The following RARB variants were observed in gnomAD, a reference collection of about 807,000 sequenced individuals.
RARB encodes the protein HBV-activated protein.
RARB carries 17 observed loss-of-function variants against 51.9 expected under a neutral mutation model. That is an observed-to-expected ratio of 0.33 (90% CI 0.22 to 0.49). The LOEUF is 0.49. Among genes scored for constraint, RARB ranks in the 20% least tolerant of loss-of-function variants. The pLI is 0.99. For synonymous variants in RARB, 215 were observed against 195.4 expected, an observed-to-expected ratio of 1.10 and a Z score of -0.84; for missense variants, 369 against 550.8, an observed-to-expected ratio of 0.67 and a Z score of 3.30.
intron 2 of RARB, among the ~76,000 whole-genome samples, chr3:24,965,067 T>G (rs531043028): frequency 6.6e-6 from 1 of 152,160 alleles, no homozygotes; most frequent in Non-Finnish European, 1.5e-5. Flanking sequence ...CAATAGCCCA[T>G]GTAATCGATT....
chr3:24,876,746 T>C (rs1197273510), intron 2 of RARB, among the ~76,000 whole-genome samples: 4 of 152,134 alleles, frequency 2.6e-5, no homozygotes, highest in African/African-American at 2.4e-5. Flanking sequence ...AACAACCAAC[T>C]TGCCATGTGA....
intron 5 of RARB, among the ~76,000 whole-genome samples, chr3:25,221,494 C>T (rs971553087): frequency 6.6e-6 from 1 of 152,080 alleles, no homozygotes; most frequent in Non-Finnish European, 1.5e-5. Context: ...AATAAATAAT[C>T]CTCCTTTGTC....
At chr3:25,484,852 C>A (rs1191724660) in intron 2 of RARB, among the ~76,000 whole-genome samples, 1 of 151,972 alleles carries the variant, frequency 6.6e-6, no homozygotes, top group Non-Finnish European at 1.5e-5. Context: ...TTTTAACCTC[C>A]ATTGTCATAT....
At chr3:25,003,402 A>C (rs546587798) in intron 2 of RARB, among the ~76,000 whole-genome samples, 3 of 152,242 alleles carry the variant, frequency 2.0e-5, no homozygotes, top group Non-Finnish European at 2.9e-5. Flanking sequence ...CTATTTTATT[A>C]TTAAATAAAA....
intron 5 of RARB, among the ~76,000 whole-genome samples, chr3:25,215,130 TG>T (rs1701797942): frequency 6.6e-6 from 1 of 152,188 alleles, no homozygotes; most frequent in East Asian, 1.9e-4. Flanking sequence ...CGGACTCACC[TG>T]GGGCCCAAGT....
intron 2 of RARB, among the ~76,000 whole-genome samples, chr3:24,974,689 C>T (rs896335081): frequency 7.2e-5 from 11 of 151,900 alleles, no homozygotes; most frequent in African/African-American, 2.7e-4. Flanking sequence ...ATATAGTATC[C>T]CTAAGCCTTA....
chr3:24,986,834 T>G (rs867743908), intron 2 of RARB, among the ~76,000 whole-genome samples: 2 of 152,138 alleles, frequency 1.3e-5, no homozygotes, highest in Non-Finnish European at 1.5e-5. Flanking sequence ...GGTGAACTCC[T>G]ACCCCTTTGC....
intron 1 of RARB, among the ~76,000 whole-genome samples, chr3:25,445,599 A>C (rs1708895156): frequency 1.3e-5 from 2 of 152,084 alleles, no homozygotes; most frequent in Admixed American, 1.3e-4. Flanking sequence ...CCCAGGAGGC[A>C]GGGGTTGCAG....
chr3:25,212,435 C>G (rs1362071141), intron 5 of RARB, among the ~76,000 whole-genome samples: 1 of 152,100 alleles, frequency 6.6e-6, no homozygotes, highest in Non-Finnish European at 1.5e-5. Context: ...CTGGCCAACA[C>G]AGTGAAACTC....
At chr3:25,390,570 C>T (rs192489393) in intron 5 of RARB, among the ~76,000 whole-genome samples, 184 of 149,876 alleles carry the variant, frequency 1.2e-3, no homozygotes, top group African/African-American at 4.3e-3. Context: ...TTAGAAGACC[C>T]GTTCATTTTT....
At chr3:25,137,650 T>G (rs1324738381) in intron 4 of RARB, among the ~76,000 whole-genome samples, 7 of 152,136 alleles carry the variant, frequency 4.6e-5, no homozygotes, top group Non-Finnish European at 1.5e-5. Context: ...TAGTGGAAAT[T>G]AATATCTTAG....
At chr3:25,138,111 G>A (rs1480746840) in intron 4 of RARB, among the ~76,000 whole-genome samples, 1 of 152,092 alleles carries the variant, frequency 6.6e-6, no homozygotes, top group African/African-American at 2.4e-5. Context: ...GGGTTACTGA[G>A]AATTTCGGTC....
Position 25,428,393 on chromosome 3 carries a change from G to T in RARB, c.-339G>T. On this transcript the variant is annotated 5_prime_UTR_variant, in exon 1 of 8. Transcript: ENST00000330688. The stretch of plus-strand genomic sequence containing the variant: ...CCGAGAACGCGAGCGATCCGAGCAG[G>T]GTTTGTCTGGGCACCGTCGGGGTAG... 7.9e-7 allele frequency: 1 copy of T among 1,262,020 alleles called. No individual in the cohort carries two copies. The allele number at this position is 1,262,020 out of a possible 1,614,324, so 78.2% of individuals were successfully genotyped here.
At chr3:25,569,677 C>T in intron 3 of RARB, 81 bp from the exon 4 acceptor site, 2 of 1,464,274 alleles carry the variant, frequency 1.4e-6, no homozygotes, top group Non-Finnish European at 1.8e-6. Flanking sequence ...TTAAGGCAGC[C>T]TTGGGAGGTG....
chr3:25,368,061 C>A (rs1404909188), intron 5 of RARB, among the ~76,000 whole-genome samples: 1 of 152,142 alleles, frequency 6.6e-6, no homozygotes, highest in African/African-American at 2.4e-5. Flanking sequence ...AAAAGACTTT[C>A]CTTTATTCTA....
rs984862191 is a variant in RARB at position 25,524,621 on chromosome 3, C to T, written c.448+23298C>T. Among the ~76,000 whole-genome samples the T allele has an allele frequency of 2.0e-5, 3 of 149,496 alleles. No individual in the cohort carries two copies. In the South Asian group the frequency reaches 6.5e-4, roughly 32 times the overall value. ...CCTTCTCTTCCCCCCTCCCTTCCTC[C>T]CTCCCTGCCTCCCTCCTTCCTCCCT... On this transcript the variant is annotated intron_variant, in intron 3 of 7. Transcript: ENST00000330688.
intron 5 of RARB, among the ~76,000 whole-genome samples, chr3:25,320,348 C>T (rs1056657398): frequency 2.6e-5 from 4 of 152,058 alleles, no homozygotes; most frequent in Admixed American, 2.0e-4. Context: ...ATATTATTTT[C>T]TCTGTAGTAG....
intron 2 of RARB, among the ~76,000 whole-genome samples, chr3:25,031,741 T>C (rs1000490053): frequency 7.9e-5 from 12 of 152,200 alleles, no homozygotes; most frequent in African/African-American, 2.9e-4. Context: ...ATGTCAGCTA[T>C]TTTGTGTTAC....
At chr3:24,970,606 A>ACACACACAC (rs1696376566) in intron 2 of RARB, among the ~76,000 whole-genome samples, 1 of 103,968 alleles carries the variant, frequency 9.6e-6, no homozygotes, top group African/African-American at 3.0e-5. Context: ...CACACACACA[A>ACACACACAC]ACACACCCCC....
Sources: gnomAD v4.1 joint callset for allele counts (sites outside exome capture counted in the v4.1 genomes callset) on GRCh38, gnomAD v4.1.1 for gene constraint, MANE v1.5 for transcripts, NCBI Gene and HGNC (gene_info 2026-07-23, HGNC 2026-07-21) for gene names.